The following NOX3 variants were observed in gnomAD, a reference collection of about 807,000 sequenced individuals.
NOX3 encodes NADPH oxidase catalytic subunit-like 3.
Under a neutral mutation model 76.7 loss-of-function variants are expected in NOX3, and 74 were observed. The ratio of observed to expected loss-of-function variants is 0.96; its 90% CI spans 0.80 to 1.17. The LOEUF (loss-of-function observed/expected upper bound fraction) is 1.17. Among genes scored for constraint, NOX3 ranks in the 50% most tolerant of loss-of-function variants. The pLI is 0.00. For missense variants in NOX3, 695 were observed against 703.3 expected, an observed-to-expected ratio of 0.99 and a Z score of 0.13; for synonymous variants, 263 against 261.1, an observed-to-expected ratio of 1.01 and a Z score of -0.07.
chr6:155,430,836 T>G lies in NOX3; in HGVS notation c.891+7A>C, dbSNP rs777244656. ...GCTTTTATTCAGACATAAAGCTACATGCATACCTTGGTAATGACAACTTCT... is the reference window on the plus strand; with the variant it reads ...GCTTTTATTCAGACATAAAGCTACAGGCATACCTTGGTAATGACAACTTCT... On this transcript the variant is annotated splice_region_variant and intron_variant, in intron 8 of 13. Transcript: ENST00000159060. 2 of 1,594,054 alleles carry G rather than the reference T, an allele frequency of 1.3e-6. No individual in the cohort carries two copies. The highest frequency in any genetic ancestry group is 3.3e-4 in the Middle Eastern group (2 of 6,028).
intron 12 of NOX3, among the ~76,000 whole-genome samples, chr6:155,401,321 T>C (rs1779222983): frequency 6.6e-6 from 1 of 152,168 alleles, no homozygotes; most frequent in Non-Finnish European, 1.5e-5. Context: ...ATCATAAGTT[T>C]ATGGTGTCTT....
Position 155,408,110 on chromosome 6 carries a change from C to T in NOX3, c.1456-856G>A, listed in dbSNP as rs181193853. ...TCTCCTGCCTCAGCCTCTCGAGTAG[C>T]TGGGACTACAGGTGTGTACCACCAT... On this transcript the variant is annotated intron_variant, in intron 11 of 13. Coordinates refer to ENST00000159060, the MANE Select transcript of NOX3 (RefSeq NM_015718.3). Among the ~76,000 whole-genome samples, 187 of 152,216 alleles carry T rather than the reference C, an allele frequency of 1.2e-3. 7 individuals carry two copies. Among genetic ancestry groups the T allele is most frequent in the Admixed American group, 0.011 (167 of 15,294 alleles).
chr6:155,398,845 G>A (rs1458127129), intron 12 of NOX3, among the ~76,000 whole-genome samples: 2 of 152,162 alleles, frequency 1.3e-5, no homozygotes, highest in African/African-American at 4.8e-5. Context: ...ATCTAGCTCC[G>A]AGAATCTCTG....
At chr6:155,414,669 C>T (rs1776602086) in intron 10 of NOX3, among the ~76,000 whole-genome samples, 1 of 139,486 alleles carries the variant, frequency 7.2e-6, no homozygotes, top group Non-Finnish European at 1.5e-5. Flanking sequence ...TCTCTGTTGC[C>T]CAGGCTGGAG....
chr6:155,403,005 G>A (rs1191580471), intron 12 of NOX3, among the ~76,000 whole-genome samples: 4 of 152,222 alleles, frequency 2.6e-5, no homozygotes, highest in Non-Finnish European at 2.9e-5. Flanking sequence ...ACATAATAAG[G>A]GGAAAACATA....
At chr6:155,429,838 T>G (rs1046257495) in intron 8 of NOX3, among the ~76,000 whole-genome samples, 3 of 152,208 alleles carry the variant, frequency 2.0e-5, no homozygotes, top group Non-Finnish European at 4.4e-5. Flanking sequence ...AAAGAGAATT[T>G]CACAGCATTT....
At chr6:155,401,382 T>G (rs1039032788) in intron 12 of NOX3, among the ~76,000 whole-genome samples, 6 of 152,194 alleles carry the variant, frequency 3.9e-5, no homozygotes, top group Non-Finnish European at 1.5e-5. Flanking sequence ...TCCATTTAAG[T>G]CTATTTCTTT....
intron 12 of NOX3, among the ~76,000 whole-genome samples, chr6:155,406,384 C>G (rs938115414): frequency 2.6e-5 from 4 of 152,088 alleles, no homozygotes; most frequent in Non-Finnish European, 4.4e-5. Flanking sequence ...GAAGTGCAGG[C>G]TTCACTTCAG....
At chr6:155,455,667 A>G (rs911527900) in intron 1 of NOX3, 86 bp downstream of exon 1, 4 of 1,013,254 alleles carry the variant, frequency 3.9e-6, no homozygotes, top group Non-Finnish European at 6.1e-6. Flanking sequence ...ACTTCAAGCT[A>G]TTTAGCGTTC....
intron 6 of NOX3, 138 bp from the exon 7 acceptor site, chr6:155,436,685 C>A: frequency 1.2e-6 from 1 of 818,132 alleles, no homozygotes; most frequent in South Asian, 2.1e-5. Context: ...CTCGGGCTGT[C>A]ATTCATTTCC....
chr6:155,412,601 C>T (rs1376711701), intron 10 of NOX3, among the ~76,000 whole-genome samples: 2 of 152,160 alleles, frequency 1.3e-5, no homozygotes, highest in African/African-American at 2.4e-5. Flanking sequence ...GCACAATGAC[C>T]TGCTTTTCTC....
rs1777154746 is a variant in NOX3 at position 155,452,231 on chromosome 6, G to A, written c.340+1173C>T. On this transcript the variant is annotated intron_variant, in intron 4 of 13. Transcript: ENST00000159060. The stretch of plus-strand genomic sequence containing the variant: ...ATTCTAATTTTAGATAATTTTCAAG[G>A]TGCGGAAAAGATTTCCATTCCTGAG... 3.3e-5 allele frequency among the ~76,000 whole-genome samples: 5 copies of A among 152,092 alleles called. No homozygotes were observed. In the South Asian group the frequency reaches 1.0e-3, roughly 32 times the overall value.
intron 4 of NOX3, among the ~76,000 whole-genome samples, chr6:155,451,459 T>C (rs1019331056): frequency 6.6e-6 from 1 of 152,208 alleles, no homozygotes; most frequent in African/African-American, 2.4e-5. Context: ...CAGAAAGTTA[T>C]AGCTGCTTTC....
intron 12 of NOX3, among the ~76,000 whole-genome samples, chr6:155,402,148 T>A (rs936264367): frequency 6.6e-6 from 1 of 152,206 alleles, no homozygotes; most frequent in Non-Finnish European, 1.5e-5. Context: ...TGACAATGTT[T>A]ACAAAAAATG....
rs1016460953 is a variant in NOX3, at chr6:155,432,871, A to G, written c.799-1936T>C. On this transcript the variant is annotated intron_variant, in intron 7 of 13. Coordinates refer to ENST00000159060, the MANE Select transcript of NOX3 (RefSeq NM_015718.3). ...GAAATCTAGGAAGCGTCCCTGGGAA[A>G]GATGGGGTTGGACCGAGCAAAGGAA... 5.9e-5 allele frequency among the ~76,000 whole-genome samples: 9 copies of G among 152,186 alleles called. 1 individual carries two copies. The South Asian group carries it at 6.2e-4, about 11-fold the overall frequency.
intron 9 of NOX3, among the ~76,000 whole-genome samples, chr6:155,425,511 A>G (rs1213993075): frequency 6.6e-6 from 1 of 152,120 alleles, no homozygotes; most frequent in African/African-American, 2.4e-5. Flanking sequence ...AACTGACTGC[A>G]TTTACTCCTC....
chr6:155,442,733 T>C (rs963121457), intron 5 of NOX3, among the ~76,000 whole-genome samples: 1 of 152,238 alleles, frequency 6.6e-6, no homozygotes, highest in Non-Finnish European at 1.5e-5. Context: ...GTAATTAGCA[T>C]TAATGATGTC....
chr6:155,404,052 G>A (rs1371935737), intron 12 of NOX3, among the ~76,000 whole-genome samples: 3 of 151,714 alleles, frequency 2.0e-5, no homozygotes, highest in East Asian at 1.9e-4. Flanking sequence ...AAAAGCCTGC[G>A]AAGTGAGAAC....
chr6:155,443,309 G>T lies in NOX3; in HGVS notation c.450C>A (p.Asn150Lys), dbSNP rs774496858. The change falls in exon 5 of 14, where the codon AAC becomes AAA. Residue 150 changes from asparagine (N) to lysine (K), a missense_variant. Physicochemically the swap from Asn to Lys is moderately conservative, Grantham distance 94. Coordinates refer to ENST00000159060, the MANE Select transcript of NOX3 (RefSeq NM_015718.3). ...TCCGGACAGGGTTGAGGTAGCTCTCGTTAGGGGTGTTGCCCAGCTTGGAAA... is the reference window on the plus strand; with the variant it reads ...TCCGGACAGGGTTGAGGTAGCTCTCTTTAGGGGTGTTGCCCAGCTTGGAAA... ...AALSKLGNTPNESYLNPVRTF... is the reference protein window; with the variant it reads ...AALSKLGNTPKESYLNPVRTF... The T allele has an allele frequency of 3.1e-6, 5 of 1,614,002 alleles. No individual in the cohort carries two copies. The South Asian group carries it at 3.3e-5, about 11-fold the overall frequency.
Sources: gnomAD v4.1 joint callset for allele counts (sites outside exome capture counted in the v4.1 genomes callset) on GRCh38, gnomAD v4.1.1 for gene constraint, MANE v1.5 for transcripts, NCBI Gene and HGNC (gene_info 2026-07-23, HGNC 2026-07-21) for gene names.